The following PSMD9 variants were observed in gnomAD, a reference collection of about 807,000 sequenced individuals.
PSMD9 encodes 26S proteasome non-ATPase regulatory subunit 9.
In PSMD9, 26 loss-of-function variants were observed where a neutral mutation model predicts 25.9. That is an observed-to-expected ratio of 1.00 (90% CI 0.73 to 1.39). The LOEUF (loss-of-function observed/expected upper bound fraction) is 1.39, where lower values mean the gene tolerates loss of function less well. PSMD9 is among the 40% of genes most tolerant of loss of function. PSMD9 has a pLI of 0.00. For missense variants in PSMD9, 303 were observed against 299.3 expected (o/e 1.01, Z -0.09); for synonymous variants, 110 against 114.5 (o/e 0.96, Z 0.25).
chr12:121,891,901 C>CAAAAA (rs33982940), intron 1 of PSMD9, among the ~76,000 whole-genome samples: 14 of 74,300 alleles, frequency 1.9e-4, no homozygotes, highest in South Asian at 5.0e-4. Context: ...GATTCCATCT[C>CAAAAA]AAAAAAAAAA....
intron 4 of PSMD9, among the ~76,000 whole-genome samples, chr12:121,905,838 G>A (rs1050333842): frequency 6.6e-5 from 10 of 151,782 alleles, no homozygotes; most frequent in African/African-American, 1.9e-4. Flanking sequence ...TGCCATTCCC[G>A]TGAGTTTTCA....
rs1250877220 is a variant in PSMD9, at chr12:121,888,938, C to G, written c.82C>G (p.Arg28Gly). Residue 28 changes from arginine (R) to glycine (G), a missense_variant, in exon 1 of 6, where the codon CGG becomes GGG. Transcript: ENST00000541212. ...VTVSDVQELM[R>G]RKEEIEAQIK... Reference sequence around the variant, plus strand: ...TGTCAGCGACGTCCAGGAGCTGATGCGGCGCAAGGAGGAGATAGAAGCGCA... The same window carrying G: ...TGTCAGCGACGTCCAGGAGCTGATGGGGCGCAAGGAGGAGATAGAAGCGCA... 1 of 1,592,872 alleles carries G rather than the reference C, an allele frequency of 6.3e-7. No individual in the cohort carries two copies. Among genetic ancestry groups the G allele is most frequent in the African/African-American group, 1.3e-5 (1 of 74,766 alleles).
At chr12:121,896,265 T>C (rs1049075384) in intron 2 of PSMD9, among the ~76,000 whole-genome samples, 1 of 150,686 alleles carries the variant, frequency 6.6e-6, no homozygotes, top group Non-Finnish European at 1.5e-5. Context: ...AGGTCAGGAG[T>C]TTGAGTCTAG....
intron 2 of PSMD9, 86 bp downstream of exon 2, chr12:121,894,927 C>CTACT: frequency 8.8e-7 from 1 of 1,130,888 alleles, no homozygotes; most frequent in African/African-American, 1.5e-5. Flanking sequence ...TCTGTATTAT[C>CTACT]TACTGCCTTC....
At chr12:121,911,143 C>T (rs1879708781) in intron 4 of PSMD9, 1 of 370,676 alleles carries the variant, frequency 2.7e-6, no homozygotes, top group East Asian at 7.4e-5. Context: ...AGGTTTGAGC[C>T]ATTCTTCTAT....
intron 4 of PSMD9, among the ~76,000 whole-genome samples, chr12:121,912,721 C>G (rs77498051): frequency 5.3e-5 from 8 of 151,458 alleles, no homozygotes; most frequent in Admixed American, 5.3e-4. Flanking sequence ...CAAAAATTAG[C>G]CAGGTGTGGA....
chr12:121,915,701 G>A (rs1397861725), intron 4 of PSMD9, 155 bp from the exon 5 acceptor site: 1 of 662,468 alleles, frequency 1.5e-6, no homozygotes. Context: ...TGAGAGTGCA[G>A]TGCCACGTTC....
At chr12:121,890,814 A>G (rs1001720209) in intron 1 of PSMD9, among the ~76,000 whole-genome samples, 2 of 152,074 alleles carry the variant, frequency 1.3e-5, no homozygotes, top group Admixed American at 6.6e-5. Context: ...TCCGCTGCAT[A>G]TGGAAAATGA....
chr12:121,903,225 C>T (rs1182053199), intron 4 of PSMD9, 118 bp downstream of exon 4: 1 of 926,862 alleles, frequency 1.1e-6, no homozygotes, highest in Non-Finnish European at 1.7e-6. Context: ...CAGGGAAGTC[C>T]AAGATCCAGG....
chr12:121,903,459 G>A (rs1286904285), intron 4 of PSMD9, among the ~76,000 whole-genome samples: 1 of 152,102 alleles, frequency 6.6e-6, no homozygotes, highest in Non-Finnish European at 1.5e-5. Flanking sequence ...GAATTTCAGG[G>A]GGCCACAGAC....
chr12:121,893,905 C>G (rs1294692139), intron 1 of PSMD9: 1 of 152,230 alleles, frequency 6.6e-6, no homozygotes, highest in East Asian at 1.9e-4. Context: ...GTGCTAAGTA[C>G]TCTGCAGGTC....
intron 2 of PSMD9, among the ~76,000 whole-genome samples, chr12:121,896,895 G>A (rs1021890614): frequency 2.0e-5 from 3 of 151,628 alleles, no homozygotes; most frequent in Non-Finnish European, 4.4e-5. Flanking sequence ...AGGTCCTTTG[G>A]CTTCTGTATG....
At chr12:121,904,847 G>A (rs940102372) in intron 4 of PSMD9, among the ~76,000 whole-genome samples, 4 of 150,974 alleles carry the variant, frequency 2.6e-5, no homozygotes, top group African/African-American at 7.4e-5. Flanking sequence ...TAGTAGAGAT[G>A]GGGTTTCGCT....
intron 1 of PSMD9, among the ~76,000 whole-genome samples, chr12:121,891,901 CAAAAAAAAAAAA>C (rs33982940): frequency 8.1e-5 from 6 of 74,316 alleles, no homozygotes; most frequent in African/African-American, 3.4e-4. Context: ...GATTCCATCT[CAAAAAAAAAAAA>C]AAAAAAAAAA....
intron 1 of PSMD9, chr12:121,893,884 G>A (rs1474362692): frequency 1.3e-5 from 2 of 152,242 alleles, no homozygotes; most frequent in South Asian, 2.1e-4. Context: ...TGCTGTGTAT[G>A]CGCGTGGCAT....
chr12:121,911,659 CTTTT>C (rs60603408), intron 4 of PSMD9, among the ~76,000 whole-genome samples: 1 of 141,688 alleles, frequency 7.1e-6, no homozygotes, highest in African/African-American at 2.6e-5. Flanking sequence ...AATATATGAA[CTTTT>C]TTTTTTTTTT....
chr12:121,900,583 C>T (rs554421901), intron 3 of PSMD9, among the ~76,000 whole-genome samples: 247 of 130,300 alleles, frequency 1.9e-3, no homozygotes, highest in African/African-American at 6.5e-3. Context: ...AGTGAGACTC[C>T]GTCTCAAAAA....
rs75575005 is a variant in PSMD9 at position 121,895,812 on chromosome 12, T to C, written c.241+971T>C. ...CCTTAATCACATCTGCAGAGCCTCT[T>C]TTGCCATGTAAGGTGGCATATTCCC... On this transcript the variant is annotated intron_variant, in intron 2 of 5. Transcript: ENST00000541212. Among the ~76,000 whole-genome samples the C allele has an allele frequency of 1.3e-3, 198 of 152,312 alleles. 5 individuals are homozygous for C. In the East Asian group the frequency reaches 0.036, roughly 28 times the overall value.
intron 1 of PSMD9, among the ~76,000 whole-genome samples, chr12:121,891,664 G>A (rs1319685744): frequency 1.3e-5 from 2 of 151,732 alleles, no homozygotes; most frequent in East Asian, 3.9e-4. Context: ...CCAGCACTTT[G>A]GAAGGCCGAG....
Sources: gnomAD v4.1 joint callset for allele counts (sites outside exome capture counted in the v4.1 genomes callset) on GRCh38, gnomAD v4.1.1 for gene constraint, MANE v1.5 for transcripts, NCBI Gene and HGNC (gene_info 2026-07-23, HGNC 2026-07-21) for gene names.